RYR2: variants seen among roughly 807,000 people sequenced by gnomAD.
RYR2 encodes the protein ryanodine receptor 2, also known as cardiac muscle ryanodine receptor-calcium release channel.
Under a neutral mutation model 601.1 loss-of-function variants are expected in RYR2, and 227 were observed. The ratio of observed to expected loss-of-function variants is 0.38; its 90% CI spans 0.34 to 0.42. RYR2 has a LOEUF of 0.42. Ranked by LOEUF, RYR2 falls within the 10% of genes least tolerant of loss-of-function variation. The probability of loss-of-function intolerance (pLI) is 1.00; values close to 1 mark genes in which losing one functional copy is unlikely to be tolerated. For missense variants in RYR2, 4,646 were observed against 6,156.5 expected (o/e 0.75, Z 8.21); for synonymous variants, 2,223 against 2,175.1 (o/e 1.02, Z -0.61).
chr1:237,644,421 A>G (rs1386650256), intron 48 of RYR2, among the ~76,000 whole-genome samples: 2 of 151,532 alleles, frequency 1.3e-5, no homozygotes, highest in Non-Finnish European at 2.9e-5. Flanking sequence ...TTTTGTAGAG[A>G]CAGGGTTTCA....
At chr1:237,281,003 T>A (rs1690802863) in intron 2 of RYR2, among the ~76,000 whole-genome samples, 1 of 152,118 alleles carries the variant, frequency 6.6e-6, no homozygotes, top group Middle Eastern at 3.2e-3. Context: ...CAAGCTGGTC[T>A]CGAACTCCTG....
At chr1:237,798,191 A>G in intron 97 of RYR2, 21 bp downstream of exon 97, 3 of 1,600,236 alleles carry the variant, frequency 1.9e-6, no homozygotes, top group Non-Finnish European at 2.6e-6. Flanking sequence ...CTTCGGCTCT[A>G]TCCTACAGAC....
chr1:237,697,417 A>G (rs1687573171), intron 63 of RYR2, among the ~76,000 whole-genome samples: 1 of 142,294 alleles, frequency 7.0e-6, no homozygotes, highest in African/African-American at 2.6e-5. Flanking sequence ...ATATAATTAT[A>G]TCATATATAA....
At chr1:237,306,403 C>T (rs1160438133) in intron 2 of RYR2, among the ~76,000 whole-genome samples, 1 of 152,090 alleles carries the variant, frequency 6.6e-6, no homozygotes, top group Non-Finnish European at 1.5e-5. Context: ...TTTTAAAATA[C>T]TCGTGTATGC....
At chr1:237,563,282 A>G (rs2148215138) in intron 27 of RYR2, among the ~76,000 whole-genome samples, 1 of 152,024 alleles carries the variant, frequency 6.6e-6, no homozygotes, top group South Asian at 2.1e-4. Context: ...ATGGTGGCAC[A>G]TGCCTGTAAC....
chr1:237,557,014 A>G (rs1191585313), intron 27 of RYR2, among the ~76,000 whole-genome samples: 1 of 151,312 alleles, frequency 6.6e-6, no homozygotes, highest in Non-Finnish European at 1.5e-5. Context: ...TGAGATTGCT[A>G]TTAAGTTGGC....
At chr1:237,227,344 GTTT>G (rs1684481741) in intron 1 of RYR2, among the ~76,000 whole-genome samples, 1 of 152,136 alleles carries the variant, frequency 6.6e-6, no homozygotes, top group African/African-American at 2.4e-5. Context: ...ATGTTGCACA[GTTT>G]TTATTTGTGA....
intron 36 of RYR2, among the ~76,000 whole-genome samples, chr1:237,611,654 G>A (rs1427127429): frequency 6.6e-6 from 1 of 152,086 alleles, no homozygotes; most frequent in African/African-American, 2.4e-5. Flanking sequence ...TTTGGGCCAA[G>A]ATTTCCCTCC....
chr1:237,539,346 C>T (rs1366056551), intron 25 of RYR2, among the ~76,000 whole-genome samples: 2 of 152,176 alleles, frequency 1.3e-5, no homozygotes, highest in South Asian at 2.1e-4. Context: ...ATGGTCGATT[C>T]CTACACGCAA....
chr1:237,336,259 T>G (rs192783846), intron 3 of RYR2, among the ~76,000 whole-genome samples: 39 of 152,254 alleles, frequency 2.6e-4, no homozygotes, highest in Admixed American at 2.0e-3. Flanking sequence ...ATTTCAAAAT[T>G]TTTTCCAAGG....
intron 24 of RYR2, among the ~76,000 whole-genome samples, chr1:237,525,457 TTTTTTG>T (rs1005029295): frequency 1.4e-4 from 9 of 66,208 alleles, no homozygotes; most frequent in Non-Finnish European, 2.8e-4. Context: ...TGTTTGTTTG[TTTTTTG>T]TTTTTTTGAC....
intron 42 of RYR2, among the ~76,000 whole-genome samples, chr1:237,632,386 ATTCTTTTTTT>A (rs1311008916): frequency 9.0e-6 from 1 of 111,678 alleles, no homozygotes; most frequent in Non-Finnish European, 1.8e-5. Flanking sequence ...TCTAAAGTGA[ATTCTTTTTTT>A]TTTTTTTTTT....
intron 5 of RYR2, among the ~76,000 whole-genome samples, chr1:237,365,664 T>A (rs1315850713): frequency 6.6e-6 from 1 of 152,236 alleles, no homozygotes; most frequent in Admixed American, 6.5e-5. Context: ...TGATAACTTA[T>A]GATTTGGGGT....
At chr1:237,715,792 A>G (rs1397126230) in intron 71 of RYR2, among the ~76,000 whole-genome samples, 2 of 152,178 alleles carry the variant, frequency 1.3e-5, no homozygotes, top group Admixed American at 6.5e-5. Context: ...GGATAGAAGT[A>G]TGTTTGTATA....
rs1478564061 is a variant in RYR2 at position 237,377,326 on chromosome 1, A to T, written c.467A>T (p.Glu156Val). The T allele has an allele frequency of 2.5e-6, 4 of 1,609,398 alleles. No homozygotes were observed. The African/African-American group carries it at 4.0e-5, about 16-fold the overall frequency. The change falls in exon 8 of 105, where the codon GAG becomes GTG. Residue 156 changes from glutamate (E) to valine (V), a missense_variant. Coordinates refer to ENST00000366574, the MANE Select transcript of RYR2 (RefSeq NM_001035.3). Reference sequence around the variant, plus strand: ...TCACATATCCGTATATCTGCAGGGGAGGCTTGTTGGTGGACCATACACCCT... The same window carrying T: ...TCACATATCCGTATATCTGCAGGGGTGGCTTGTTGGTGGACCATACACCCT... The part of the protein sequence containing the change: ...DVGLQEDTTG[E>V]ACWWTIHPAS...
chr1:237,192,237 C>T (rs1413441994), intron 1 of RYR2, among the ~76,000 whole-genome samples: 5 of 151,996 alleles, frequency 3.3e-5, no homozygotes, highest in African/African-American at 1.2e-4. Context: ...GAGACAGAGT[C>T]TCGCTCTGTC....
At chr1:237,766,545 T>C (rs1373284727) in intron 84 of RYR2, among the ~76,000 whole-genome samples, 1 of 152,158 alleles carries the variant, frequency 6.6e-6, no homozygotes, top group Non-Finnish European at 1.5e-5. Context: ...AATGGTGCTT[T>C]TGAAAAATTA....
intron 1 of RYR2, among the ~76,000 whole-genome samples, chr1:237,064,219 C>G (rs887889716): frequency 2.0e-5 from 3 of 152,076 alleles, no homozygotes; most frequent in Non-Finnish European, 2.9e-5. Context: ...GTATTTCCCA[C>G]TGACCTTTCT....
At chr1:237,123,813 G>T (rs1487351563) in intron 1 of RYR2, among the ~76,000 whole-genome samples, 2 of 151,644 alleles carry the variant, frequency 1.3e-5, no homozygotes, top group Non-Finnish European at 2.9e-5. Context: ...GACTACAGGT[G>T]CCCGCCACCG....
Sources: allele counts gnomAD v4.1 joint callset (sites outside exome capture counted in the v4.1 genomes callset), GRCh38; gene constraint gnomAD v4.1.1; transcripts MANE v1.5; gene names NCBI Gene and HGNC (gene_info 2026-07-23, HGNC 2026-07-21).